HEMK2: variants seen among roughly 807,000 people sequenced by gnomAD.
HEMK2 encodes methyltransferase HEMK2.
At chr21:28,725,619 G>C in the HEMK2 span, among the ~76,000 whole-genome samples, 1 of 152,186 alleles carries the variant, frequency 6.6e-6, no homozygotes, top group South Asian at 2.1e-4. Context: ...ACTGAACTCT[G>C]CAAGTTCTAT....
chr21:28,647,882 G>A, the HEMK2 span, among the ~76,000 whole-genome samples: 1 of 152,210 alleles, frequency 6.6e-6, no homozygotes, highest in Non-Finnish European at 1.5e-5. Context: ...GGGAGTGATT[G>A]TAACAGAAAG....
the HEMK2 span, among the ~76,000 whole-genome samples, chr21:28,846,652 T>C: frequency 6.6e-6 from 1 of 152,102 alleles, no homozygotes; most frequent in African/African-American, 2.4e-5. Flanking sequence ...ACCTTTATTT[T>C]AGGTTCAGGG....
chr21:28,877,177 A>G, the HEMK2 span, among the ~76,000 whole-genome samples: 1 of 131,570 alleles, frequency 7.6e-6, no homozygotes, highest in African/African-American at 2.8e-5. Context: ...AAAGAAAGAA[A>G]GAGAGGGAGG....
the HEMK2 span, among the ~76,000 whole-genome samples, chr21:28,881,162 T>C: frequency 6.6e-6 from 1 of 152,188 alleles, no homozygotes; most frequent in Non-Finnish European, 1.5e-5. Flanking sequence ...GTTGTGCAGT[T>C]GTCATTTGTT....
At chr21:28,732,317 G>T in the HEMK2 span, among the ~76,000 whole-genome samples, 1 of 152,232 alleles carries the variant, frequency 6.6e-6, no homozygotes, top group South Asian at 2.1e-4. Context: ...TTTATTAAAT[G>T]GTATTTCAGT....
the HEMK2 span, among the ~76,000 whole-genome samples, chr21:28,667,788 G>C: frequency 6.6e-6 from 1 of 152,140 alleles, no homozygotes; most frequent in Non-Finnish European, 1.5e-5. Context: ...TCCTAGCTGT[G>C]GGATCTGAGT....
the HEMK2 span, among the ~76,000 whole-genome samples, chr21:28,669,126 A>C: frequency 6.6e-6 from 1 of 152,220 alleles, no homozygotes; most frequent in Non-Finnish European, 1.5e-5. Flanking sequence ...TGGGAGGCCA[A>C]GGTGGGCCAA....
the HEMK2 span, among the ~76,000 whole-genome samples, chr21:28,838,851 A>G: frequency 6.8e-6 from 1 of 147,514 alleles, no homozygotes; most frequent in East Asian, 2.0e-4. Flanking sequence ...AGGCAGAAGA[A>G]TCGCTTGAAC....
chr21:28,826,086 C>T, the HEMK2 span, among the ~76,000 whole-genome samples: 5 of 152,168 alleles, frequency 3.3e-5, no homozygotes, highest in Non-Finnish European at 5.9e-5. Context: ...GGGCAAAACA[C>T]GTTAAATGAC....
At chr21:28,815,882 T>A in the HEMK2 span, among the ~76,000 whole-genome samples, 1 of 151,844 alleles carries the variant, frequency 6.6e-6, no homozygotes, top group African/African-American at 2.4e-5. Flanking sequence ...CCCCCTGAAT[T>A]TATATATTGA....
At chr21:28,603,543 A>AGATGTGTGTG in the HEMK2 span, among the ~76,000 whole-genome samples, 41 of 101,308 alleles carry the variant, frequency 4.0e-4, no homozygotes, top group African/African-American at 1.5e-3. Flanking sequence ...TTTACTGAGG[A>AGATGTGTGTG]TATATATGTG....
the HEMK2 span, among the ~76,000 whole-genome samples, chr21:28,649,637 A>C: frequency 2.0e-5 from 3 of 152,152 alleles, no homozygotes; most frequent in African/African-American, 7.2e-5. Context: ...CTGCTGGGAG[A>C]GGGTCTCCTT....
the HEMK2 span, among the ~76,000 whole-genome samples, chr21:28,838,972 A>AAAATATATAT: frequency 3.4e-5 from 1 of 29,160 alleles, no homozygotes; most frequent in Non-Finnish European, 5.6e-5. Flanking sequence ...AAAAAAAAAA[A>AAAATATATAT]ATATATATAT....
At chr21:28,631,134 G>T in the HEMK2 span, among the ~76,000 whole-genome samples, 1 of 152,046 alleles carries the variant, frequency 6.6e-6, no homozygotes, top group Non-Finnish European at 1.5e-5. Context: ...GGGAAATTTT[G>T]ATCCAAAGCT....
the HEMK2 span, among the ~76,000 whole-genome samples, chr21:28,866,175 A>AAAAAAAAAAAAAAC: frequency 1.4e-3 from 106 of 76,190 alleles, 24 homozygotes; most frequent in Admixed American, 1.7e-3. Context: ...CAAAAAAAAA[A>AAAAAAAAAAAAAAC]ACACACACAC....
the HEMK2 span, among the ~76,000 whole-genome samples, chr21:28,627,941 A>G: frequency 1.3e-5 from 2 of 152,144 alleles, no homozygotes; most frequent in Non-Finnish European, 2.9e-5. Context: ...TTGCATGGGG[A>G]CTACACCAAG....
the HEMK2 span, among the ~76,000 whole-genome samples, chr21:28,611,620 C>T: frequency 9.1e-6 from 1 of 109,712 alleles, no homozygotes; most frequent in Non-Finnish European, 2.3e-5. Context: ...GAGCAGCTCA[C>T]ACCTGTAATC....
the HEMK2 span, among the ~76,000 whole-genome samples, chr21:28,860,327 C>T: frequency 0.11 from 16,366 of 151,994 alleles, 1,342 homozygotes; most frequent in African/African-American, 0.22. Context: ...TCCTGGAACA[C>T]TGGACTCCAC....
At chr21:28,630,809 T>C in the HEMK2 span, among the ~76,000 whole-genome samples, 7 of 145,654 alleles carry the variant, frequency 4.8e-5, no homozygotes, top group East Asian at 8.8e-4. Flanking sequence ...GGGATAGCAT[T>C]AGGGGATACA....
Sources: gnomAD v4.1 joint callset for allele counts (sites outside exome capture counted in the v4.1 genomes callset) on GRCh38, gnomAD v4.1.1 for gene constraint, MANE v1.5 for transcripts, NCBI Gene and HGNC (gene_info 2026-07-23, HGNC 2026-07-21) for gene names.